Variants in CAMSAP3 observed in about 807,000 individuals in gnomAD.
CAMSAP3 encodes the protein calmodulin-regulated spectrin-associated protein 3.
Under a neutral mutation model 112.5 loss-of-function variants are expected in CAMSAP3, and 34 were observed. The observed-to-expected ratio is 0.30, with a 90% CI of 0.23 to 0.40. The LOEUF (loss-of-function observed/expected upper bound fraction) is 0.40. Among genes scored for constraint, CAMSAP3 ranks in the 10% least tolerant of loss-of-function variants. The pLI, the probability that CAMSAP3 is intolerant of heterozygous loss-of-function variation, is 1.00. For synonymous variants in CAMSAP3, 868 were observed against 799.8 expected (o/e 1.09, Z -1.44); for missense variants, 1,602 against 1,770.3 (o/e 0.90, Z 1.71).
Position 7,612,245 on chromosome 19 carries a change from G to T in CAMSAP3, c.1752G>T (p.Gly584=). ...AGGCAGAGGCTGAGGCCGGAGCGGG[G>T]TCCCCCACGTCCACTCCGGCCCCGC... ...LVKAEAEAGA[G]SPTSTPAPPE... is the part of the protein sequence containing the mutation. Residue 584 remains glycine (G), a synonymous_variant, in exon 11 of 17, where the codon GGG becomes GGT. Coordinates refer to ENST00000160298, the MANE Select transcript of CAMSAP3 (RefSeq NM_020902.2). 1 of 1,590,800 alleles carries T rather than the reference G, an allele frequency of 6.3e-7. No homozygotes were observed. Among genetic ancestry groups the T allele is most frequent in the Non-Finnish European group, 8.6e-7 (1 of 1,169,434 alleles).
At chr19:7,603,609 A>G (rs2030066842) in intron 1 of CAMSAP3, among the ~76,000 whole-genome samples, 3 of 151,918 alleles carry the variant, frequency 2.0e-5, no homozygotes, top group Non-Finnish European at 4.4e-5. Flanking sequence ...CACTTTGGGA[A>G]GCCAAGGCAG....
chr19:7,616,071 C>T (rs945986918), intron 13 of CAMSAP3, among the ~76,000 whole-genome samples: 10 of 152,046 alleles, frequency 6.6e-5, no homozygotes, highest in African/African-American at 2.4e-4. Flanking sequence ...CCTGTAGTCC[C>T]AGCTACTTGG....
At position 7,608,117 on chromosome 19, in the gene CAMSAP3, C is replaced by T; in HGVS notation, c.622-9C>T. The T allele has an allele frequency of 1.9e-6, 3 of 1,609,384 alleles. No individual in the cohort carries two copies. Among genetic ancestry groups the T allele is most frequent in the Non-Finnish European group, 2.5e-6 (3 of 1,178,574 alleles). On this transcript the variant is annotated splice_polypyrimidine_tract_variant and intron_variant, in intron 4 of 16. Transcript: ENST00000160298. ...CTGGCCACTCACCTGACCTGGCTCC[C>T]ATCTGCAGATCCGATACCGCAAGGA... is the stretch of plus-strand genomic sequence containing the variant.
intron 4 of CAMSAP3, chr19:7,606,883 C>T: frequency 6.5e-7 from 1 of 1,545,320 alleles, no homozygotes; most frequent in Non-Finnish European, 8.9e-7. Context: ...TCTGTTTCTG[C>T]CTGCCTGTCT....
Position 7,610,506 on chromosome 19 carries a change from C to T in CAMSAP3, c.791C>T (p.Ala264Val), listed in dbSNP as rs776220641. 1.8e-5 allele frequency: 29 copies of T among 1,613,150 alleles called. No individual in the cohort carries two copies. The highest frequency in any genetic ancestry group is 8.3e-5 in the Admixed American group (5 of 59,954). Residue 264 changes from alanine (A) to valine (V), a missense_variant, in exon 6 of 17, where the codon GCG (alanine) becomes GTG (valine). Coordinates refer to ENST00000160298, the MANE Select transcript of CAMSAP3 (RefSeq NM_020902.2). The surrounding 1 kb of genome is among the most constrained non-coding windows in gnomAD (Gnocchi z 4.9). ...EVCLKDPMSV[A>V]DSLYNLQLVQ... ...TGCTTGAAGGACCCCATGTCTGTGG[C>T]GGACAGCCTGTACAACCTCCAGCTC... is the stretch of plus-strand genomic sequence containing the variant.
rs2024430201 is a variant in CAMSAP3 at position 7,596,035 on chromosome 19, G to C, written c.33G>C (p.Pro11=). 2 of 1,220,044 alleles carry C rather than the reference G, an allele frequency of 1.6e-6. No individual in the cohort carries two copies. The highest frequency in any genetic ancestry group is 1.6e-5 in the African/African-American group (1 of 61,118). 75.6% of individuals were successfully genotyped at this position (1,220,044 alleles called of 1,614,324 possible). Residue 11 remains proline (P), a synonymous_variant, in exon 1 of 17, where the codon CCG becomes CCC. Coordinates refer to ENST00000160298, the MANE Select transcript of CAMSAP3 (RefSeq NM_020902.2). MVEAAPPGPG[P]LRRTFLVPEI... ...AGGCGGCGCCCCCCGGGCCCGGGCC[G>C]CTGCGGAGGACCTTTCTAGTGCCCG...
intron 2 of CAMSAP3, 81 bp downstream of exon 2, chr19:7,605,560 C>T (rs1289103931): frequency 7.3e-6 from 10 of 1,377,310 alleles, no homozygotes; most frequent in Non-Finnish European, 9.4e-6. Context: ...GTCCTGGCTC[C>T]TCCCAAGTTC....
intron 2 of CAMSAP3, among the ~76,000 whole-genome samples, chr19:7,605,946 A>G (rs1285873543): frequency 1.3e-5 from 2 of 149,986 alleles, no homozygotes; most frequent in East Asian, 2.0e-4. Context: ...AGCTCTTCCC[A>G]TCAAGCCTGG....
Position 7,608,105 on chromosome 19 carries a change from T to G in CAMSAP3, c.622-21T>G, listed in dbSNP as rs767141676. ...CTGGGGGCCAGCCTGGCCACTCACC[T>G]GACCTGGCTCCCATCTGCAGATCCG... is the stretch of plus-strand genomic sequence containing the variant. On this transcript the variant is annotated intron_variant, in intron 4 of 16. Transcript: ENST00000160298. 11 of 1,606,658 alleles carry G rather than the reference T, an allele frequency of 6.8e-6. No individual in the cohort carries two copies. In the Admixed American group the frequency reaches 8.4e-5, roughly 12 times the overall value.
At position 7,612,365 on chromosome 19, in the gene CAMSAP3, A is replaced by G. The variant is rs781723002; in HGVS notation, c.1872A>G (p.Ile624Met). 9 of 1,602,464 alleles carry G rather than the reference A, an allele frequency of 5.6e-6. No homozygotes were observed. The African/African-American group carries it at 1.2e-4, about 21-fold the overall frequency. The part of the protein sequence containing the change: ...IEAQKRRIEA[I>M]FAKHRQRLGK... ...CTCAGAAGCGACGGATTGAGGCCAT[A>G]TTCGCCAAGCACCGCCAGCGGCTGG... Residue 624 changes from isoleucine (I) to methionine (M), a missense_variant, in exon 11 of 17, where the codon ATA becomes ATG. Transcript: ENST00000160298.
In CAMSAP3 at chr19:7,611,708, G is replaced by T. The variant is rs1268465785; in HGVS notation, c.1215G>T (p.Val405=). Residue 405 remains valine, a synonymous_variant, in exon 11 of 17, where the codon GTG becomes GTT. Transcript: ENST00000160298. The surrounding 1 kb of genome is among the most constrained non-coding windows in gnomAD (Gnocchi z 6.9). ...RQLSRPLSQA[V]SFSTPFGLDS... is the part of the protein sequence containing the mutation. ...CCAGCCGTCCCCTCTCCCAGGCTGT[G>T]TCATTCAGCACCCCCTTTGGCCTGG... 6.4e-7 allele frequency: 1 copy of T among 1,560,544 alleles called. No homozygotes were observed. The highest frequency in any genetic ancestry group is 2.3e-5 in the East Asian group (1 of 44,236).
chr19:7,613,160 C>T lies in CAMSAP3; in HGVS notation c.2667C>T (p.Tyr889=), dbSNP rs1012869401. 4.8e-6 allele frequency: 7 copies of T among 1,466,226 alleles called. No individual in the cohort carries two copies. In the South Asian group the frequency reaches 5.1e-5, roughly 11 times the overall value. The allele number at this position is 1,466,226 out of a possible 1,614,324, so 90.8% of individuals were successfully genotyped here. A position where few individuals can be genotyped will look rare whatever the true frequency, so the allele number is the denominator to read the frequency against. Residue 889 remains tyrosine, a synonymous_variant, in exon 11 of 17, where the codon TAC becomes TAT. Transcript: ENST00000160298. The stretch of plus-strand genomic sequence containing the variant: ...CCCGGGTGGGGCTGGGGTTCTTCTA[C>T]AAGGTGAGTCCCCGAGCAGGTGGCT... ...GEPRVGLGFF[Y]KDEDKPEDEM...
At chr19:7,605,831 A>T (rs1475829544) in intron 2 of CAMSAP3, among the ~76,000 whole-genome samples, 1 of 141,888 alleles carries the variant, frequency 7.0e-6, no homozygotes, top group African/African-American at 2.7e-5. Flanking sequence ...TCTGTCCCTT[A>T]AGCTCTGTCC....
In CAMSAP3 at chr19:7,618,240, CAG is replaced by C; in HGVS notation, c.*184_*185del. The C allele has an allele frequency of 1.6e-6, 1 of 629,924 alleles. No homozygotes were observed. The highest frequency in any genetic ancestry group is 2.0e-5 in the South Asian group (1 of 50,244). 39.0% of individuals were successfully genotyped at this position (629,924 alleles called of 1,614,324 possible). A position where few individuals can be genotyped will look rare whatever the true frequency, so the allele number is the denominator to read the frequency against. ...GGCTGAGCTGGGAGGTTCAGGGACT[CAG>C]GGCTCAGCTCAGTCCCCTTGTCTGT... On this transcript the variant is annotated 3_prime_UTR_variant, in exon 17 of 17. Transcript: ENST00000160298.
In CAMSAP3 at chr19:7,615,513, AGGT is replaced by A; in HGVS notation, c.2909_2911del (p.Val970del). The A allele has an allele frequency of 6.5e-7, 1 of 1,537,326 alleles. No homozygotes were observed. The highest frequency in any genetic ancestry group is 8.7e-7 in the Non-Finnish European group (1 of 1,144,202). On this transcript the variant is annotated inframe_deletion, in exon 13 of 17. Coordinates refer to ENST00000160298, the MANE Select transcript of CAMSAP3 (RefSeq NM_020902.2). The surrounding 1 kb of genome is among the most constrained non-coding windows in gnomAD (Gnocchi z 6.5). ...GCTGCCCGGGCTCCAGCCGAGGAGG[AGGT>A]GGGCCCCCGGAAGGGGGACTTCACG...
intron 1 of CAMSAP3, among the ~76,000 whole-genome samples, chr19:7,596,498 C>G (rs2024446050): frequency 6.6e-6 from 1 of 151,778 alleles, no homozygotes; most frequent in African/African-American, 2.4e-5. Flanking sequence ...CCCGCACCCC[C>G]AAGGCCTTCC....
At chr19:7,596,179 G>T in intron 1 of CAMSAP3, 29 bp downstream of exon 1, 1 of 223,734 alleles carries the variant, frequency 4.5e-6, no homozygotes, top group South Asian at 1.6e-4. Context: ...CCGGGGTCGG[G>T]GGCGGCGGGC....
chr19:7,598,768 A>C (rs1186667039), intron 1 of CAMSAP3, among the ~76,000 whole-genome samples: 14 of 150,864 alleles, frequency 9.3e-5, no homozygotes, highest in Admixed American at 9.2e-4. Flanking sequence ...GCCTGGGTGA[A>C]AGAGAGAGAC....
Position 7,617,036 on chromosome 19 carries a change from C to A in CAMSAP3, c.3213-290C>A, listed in dbSNP as rs2030845920. On this transcript the variant is annotated intron_variant, in intron 14 of 16. Coordinates refer to ENST00000160298, the MANE Select transcript of CAMSAP3 (RefSeq NM_020902.2). The surrounding 1 kb of genome is among the most constrained non-coding windows in gnomAD (Gnocchi z 7.5). ...CAATCTTGGCTCACGGCAACCTCCG[C>A]CCCCTGGGTGCAAGTGATTCTCGTG... Among the ~76,000 whole-genome samples the A allele has an allele frequency of 6.6e-6, 1 of 150,664 alleles. No individual in the cohort carries two copies. The highest frequency in any genetic ancestry group is 6.6e-5 in the Admixed American group (1 of 15,094).
Sources: allele counts gnomAD v4.1 joint callset (sites outside exome capture counted in the v4.1 genomes callset), GRCh38; gene constraint gnomAD v4.1.1; non-coding constraint Gnocchi (gnomAD v3.1); transcripts MANE v1.5; gene names NCBI Gene and HGNC (gene_info 2026-07-23, HGNC 2026-07-21).